The following STAM2 variants were observed in gnomAD, a reference collection of about 807,000 sequenced individuals.
The protein encoded by STAM2 is signal transducing adaptor molecule 2, also known as signal transducing adapter molecule 2.
In STAM2, 51 loss-of-function variants were observed where a neutral mutation model predicts 65.6. The observed-to-expected ratio is 0.78, with a 90% CI of 0.62 to 0.98. The LOEUF (loss-of-function observed/expected upper bound fraction) is 0.98, where lower values mean the gene tolerates loss of function less well. Among genes scored for constraint, STAM2 ranks in the 50% least tolerant of loss-of-function variants. The probability of loss-of-function intolerance (pLI) is 0.00; values close to 1 mark genes in which losing one functional copy is unlikely to be tolerated. For synonymous variants in STAM2, 198 were observed against 208.4 expected, an observed-to-expected ratio of 0.95 and a Z score of 0.43; for missense variants, 584 against 617.8, an observed-to-expected ratio of 0.95 and a Z score of 0.58.
In STAM2 at chr2:152,117,223, C is replaced by T. The variant is rs536095564; in HGVS notation, c.*3351G>A. Reference sequence around the variant, plus strand: ...GAGACAGGATCTCATTCTGTCAGGCCGGAGTGCAGTGGCGTGATCACACCT... The same window carrying T: ...GAGACAGGATCTCATTCTGTCAGGCTGGAGTGCAGTGGCGTGATCACACCT... On this transcript the variant is annotated 3_prime_UTR_variant, in exon 14 of 14. Transcript: ENST00000263904. 35 of 152,200 alleles carry T rather than the reference C, an allele frequency of 2.3e-4. No individual in the cohort carries two copies. Among genetic ancestry groups the T allele is most frequent in the African/African-American group, 8.2e-4 (34 of 41,518 alleles). 9.4% of individuals were successfully genotyped at this position (152,200 alleles called of 1,614,324 possible).
chr2:152,159,903 A>AT (rs1050910214), intron 1 of STAM2, among the ~76,000 whole-genome samples: 6 of 151,996 alleles, frequency 3.9e-5, no homozygotes, highest in African/African-American at 1.4e-4. Context: ...TGGTTTTCCT[A>AT]TTTTTTTGGT....
At chr2:152,161,185 T>A (rs1689666133) in intron 1 of STAM2, among the ~76,000 whole-genome samples, 1 of 151,750 alleles carries the variant, frequency 6.6e-6, no homozygotes, top group Non-Finnish European at 1.5e-5. Flanking sequence ...ATCCTGTTGA[T>A]CTGTGACCTT....
chr2:152,127,386 C>T (rs1688980496), intron 11 of STAM2, among the ~76,000 whole-genome samples: 1 of 152,052 alleles, frequency 6.6e-6, no homozygotes, highest in Admixed American at 6.5e-5. Flanking sequence ...TTCACACATT[C>T]TAGGTTTTTT....
rs1003007577 is a variant in STAM2 at position 152,118,440 on chromosome 2, A to G, written c.*2134T>C. On this transcript the variant is annotated 3_prime_UTR_variant, in exon 14 of 14. Transcript: ENST00000263904. ...TTTCACCGATGTGCCAATATATACT[A>G]TATATTTATATATATATATATGTGT... 1.0e-4 allele frequency: 15 copies of G among 146,212 alleles called. No individual in the cohort carries two copies. Among genetic ancestry groups the G allele is most frequent in the East Asian group, 5.8e-4 (3 of 5,146 alleles). 9.1% of individuals were successfully genotyped at this position (146,212 alleles called of 1,614,324 possible). A position where few individuals can be genotyped will look rare whatever the true frequency, so the allele number is the denominator to read the frequency against.
At position 152,118,926 on chromosome 2, in the gene STAM2, A is replaced by G. The variant is rs570766070; in HGVS notation, c.*1648T>C. 5 of 152,262 alleles carry G rather than the reference A, an allele frequency of 3.3e-5. No individual in the cohort carries two copies. The South Asian group carries it at 1.0e-3, about 32-fold the overall frequency. 9.4% of individuals were successfully genotyped at this position (152,262 alleles called of 1,614,324 possible). On this transcript the variant is annotated 3_prime_UTR_variant, in exon 14 of 14. Coordinates refer to ENST00000263904, the MANE Select transcript of STAM2 (RefSeq NM_005843.6). ...GCTTTCAAATACTGCTAATTTTTCCACTTAAATGTAGATCAAGTACCATAT... is the reference window on the plus strand; with the variant it reads ...GCTTTCAAATACTGCTAATTTTTCCGCTTAAATGTAGATCAAGTACCATAT...
At chr2:152,152,765 A>T (rs1051805962) in intron 1 of STAM2, among the ~76,000 whole-genome samples, 5 of 152,174 alleles carry the variant, frequency 3.3e-5, no homozygotes, top group African/African-American at 1.2e-4. Context: ...CATTCCCACC[A>T]GCAATATGTG....
chr2:152,134,368 A>AT (rs1193295432), intron 8 of STAM2, among the ~76,000 whole-genome samples: 2 of 152,176 alleles, frequency 1.3e-5, no homozygotes, highest in Non-Finnish European at 2.9e-5. Context: ...CTATAAAGTT[A>AT]TTTTTTAAAG....
At chr2:152,173,422 G>T (rs2105574574) in intron 1 of STAM2, among the ~76,000 whole-genome samples, 1 of 106,610 alleles carries the variant, frequency 9.4e-6, no homozygotes, top group Admixed American at 1.1e-4. Context: ...TTTCGAGACG[G>T]AGTCTTGCTC....
intron 11 of STAM2, among the ~76,000 whole-genome samples, chr2:152,130,736 C>T (rs1390914496): frequency 6.6e-6 from 1 of 150,430 alleles, no homozygotes; most frequent in African/African-American, 2.4e-5. Context: ...CAGTGGCTCA[C>T]ACCTGTAATC....
intron 3 of STAM2, 36 bp from the exon 4 acceptor site, chr2:152,148,158 T>C (rs758539731): frequency 1.3e-6 from 2 of 1,590,020 alleles, no homozygotes; most frequent in South Asian, 1.2e-5. Flanking sequence ...AATATTGAAA[T>C]ATTAACTTAC....
intron 11 of STAM2, among the ~76,000 whole-genome samples, chr2:152,130,502 C>T (rs1285613190): frequency 7.2e-5 from 11 of 151,840 alleles, no homozygotes; most frequent in African/African-American, 2.4e-4. Context: ...CCACCCGCCT[C>T]GGCCTCCCAA....
Position 152,173,515 on chromosome 2 carries a change from G to A in STAM2, c.40+2088C>T, listed in dbSNP as rs536068089. On this transcript the variant is annotated intron_variant, in intron 1 of 13. Coordinates refer to ENST00000263904, the MANE Select transcript of STAM2 (RefSeq NM_005843.6). ...GGGTTCAAGTGATTCTCCTGCCTCA[G>A]CCTCCCCAGTAGCAGGGACTACAGG... is the stretch of plus-strand genomic sequence containing the variant. Among the ~76,000 whole-genome samples the A allele has an allele frequency of 4.6e-5, 7 of 151,756 alleles. No homozygotes were observed. In the South Asian group the frequency reaches 1.0e-3, roughly 23 times the overall value.
In STAM2 at chr2:152,120,423, TG is replaced by T; in HGVS notation, c.*150del. ...AAAAAAAAAAAAAAAAAACCTTTTA[TG>T]GCCTTGTAGAATAAGAGAGGTTTTT... On this transcript the variant is annotated 3_prime_UTR_variant, in exon 14 of 14. Coordinates refer to ENST00000263904, the MANE Select transcript of STAM2 (RefSeq NM_005843.6). 1.7e-6 allele frequency: 1 copy of T among 589,504 alleles called. No individual in the cohort carries two copies. The highest frequency in any genetic ancestry group is 2.9e-6 in the Non-Finnish European group (1 of 349,904). 36.5% of individuals were successfully genotyped at this position (589,504 alleles called of 1,614,324 possible).
At chr2:152,168,154 A>T (rs1689825287) in intron 1 of STAM2, among the ~76,000 whole-genome samples, 1 of 146,948 alleles carries the variant, frequency 6.8e-6, no homozygotes, top group African/African-American at 2.5e-5. Context: ...ATACTTATAT[A>T]CAAGGCCTAT....
At chr2:152,122,289 G>A (rs34462050) in intron 13 of STAM2, among the ~76,000 whole-genome samples, 21,893 of 151,728 alleles carry the variant, frequency 0.14, 2,404 homozygotes, top group East Asian at 0.58. Flanking sequence ...TTAGCTGGGT[G>A]TAGTATGCGC....
At chr2:152,138,662 A>G (rs568834191) in intron 7 of STAM2, among the ~76,000 whole-genome samples, 2 of 152,324 alleles carry the variant, frequency 1.3e-5, no homozygotes, top group African/African-American at 4.8e-5. Flanking sequence ...CTAGAAAGAG[A>G]CGAAAGAGTT....
chr2:152,164,254 A>C (rs1328026826), intron 1 of STAM2, among the ~76,000 whole-genome samples: 1 of 152,218 alleles, frequency 6.6e-6, no homozygotes, highest in Non-Finnish European at 1.5e-5. Flanking sequence ...GTTCCCCGAT[A>C]ATACATATCT....
intron 7 of STAM2, among the ~76,000 whole-genome samples, chr2:152,143,618 G>T (rs1689288349): frequency 6.6e-6 from 1 of 152,046 alleles, no homozygotes; most frequent in African/African-American, 2.4e-5. Flanking sequence ...TTTCATCCAA[G>T]ATATAAATTA....
chr2:152,137,824 T>C (rs1040810621), intron 7 of STAM2, among the ~76,000 whole-genome samples: 1 of 152,154 alleles, frequency 6.6e-6, no homozygotes, highest in African/African-American at 2.4e-5. Context: ...ATTTTATCTG[T>C]AGTATAAAAA....
Sources: allele counts gnomAD v4.1 joint callset (sites outside exome capture counted in the v4.1 genomes callset), GRCh38; gene constraint gnomAD v4.1.1; transcripts MANE v1.5; gene names NCBI Gene and HGNC (gene_info 2026-07-23, HGNC 2026-07-21).